KIR3DL1: variants seen among roughly 807,000 people sequenced by gnomAD.
KIR3DL1 encodes killer cell immunoglobulin like receptor, three Ig domains and long cytoplasmic tail 1, also known as killer cell immunoglobulin-like receptor 3DL1.
KIR3DL1 carries 50 observed loss-of-function variants against 40.3 expected under a neutral mutation model. That is an observed-to-expected ratio of 1.24 (90% confidence interval 0.99 to 1.57). The LOEUF (loss-of-function observed/expected upper bound fraction) is 1.57, where lower values mean the gene tolerates loss of function less well. KIR3DL1 is among the 40% of genes most tolerant of loss of function. KIR3DL1 has a pLI of 0.00. For missense variants in KIR3DL1, 661 were observed against 559.9 expected (o/e 1.18, Z -1.82); for synonymous variants, 257 against 207.2 (o/e 1.24, Z -2.07).
chr19:54,816,603 G>C, intron 1 of KIR3DL1, 69 bp downstream of exon 1: 2 of 1,547,320 alleles, frequency 1.3e-6, no homozygotes, highest in South Asian at 2.3e-5. Context: ...GTAAAGATAT[G>C]GGCCTAGAGG....
rs1173963253 is a variant in KIR3DL1, at chr19:54,824,990, C to A, written c.950-38C>A. 89 of 1,409,048 alleles carry A rather than the reference C, an allele frequency of 6.3e-5. 5 individuals are homozygous for A. The highest frequency in any genetic ancestry group is 8.6e-5 in the Non-Finnish European group (86 of 999,220). 87.3% of individuals were successfully genotyped at this position (1,409,048 alleles called of 1,614,324 possible). A position where few individuals can be genotyped will look rare whatever the true frequency, so the allele number is the denominator to read the frequency against. ...ATTTCCATTGAGTAGAGGACAAGCACCCTCATTTCCTCACATCTCTCCTGT... is the reference window on the plus strand; with the variant it reads ...ATTTCCATTGAGTAGAGGACAAGCAACCTCATTTCCTCACATCTCTCCTGT... On this transcript the variant is annotated intron_variant, in intron 5 of 8. Coordinates refer to ENST00000391728, the Ensembl canonical transcript of KIR3DL1.
chr19:54,829,778 G>T, intron 7 of KIR3DL1, 150 bp from the exon 8 acceptor site: 1 of 747,654 alleles, frequency 1.3e-6, no homozygotes, highest in South Asian at 2.0e-5. Context: ...ATGGGTCCTT[G>T]AGCTCAGAGA....
intron 5 of KIR3DL1, among the ~76,000 whole-genome samples, chr19:54,823,226 G>A (rs1046031237): frequency 1.1e-4 from 17 of 150,658 alleles, no homozygotes; most frequent in African/African-American, 2.0e-4. Context: ...TAGCACAGAC[G>A]GGATATCCCA....
exon 6 of KIR3DL1, chr19:54,825,044 T>C (rs2061812038): frequency 6.6e-7 from 1 of 1,518,582 alleles, no homozygotes; most frequent in Non-Finnish European, 9.1e-7. Flanking sequence ...CTTCAAGTAG[T>C]TGGCCTTCAC....
intron 5 of KIR3DL1, among the ~76,000 whole-genome samples, chr19:54,822,336 C>T (rs1227746093): frequency 2.6e-5 from 4 of 151,126 alleles, no homozygotes; most frequent in Non-Finnish European, 4.4e-5. Flanking sequence ...TCATAAATAC[C>T]TTTATATGCT....
At chr19:54,825,921 A>T (rs1227088355) in intron 6 of KIR3DL1, among the ~76,000 whole-genome samples, 2 of 151,158 alleles carry the variant, frequency 1.3e-5, no homozygotes, top group East Asian at 3.9e-4. Flanking sequence ...TCTTTCTCTG[A>T]ATGCTGCTCT....
At chr19:54,819,129 C>G (rs1370887576) in intron 3 of KIR3DL1, among the ~76,000 whole-genome samples, 1 of 151,190 alleles carries the variant, frequency 6.6e-6, no homozygotes, top group Non-Finnish European at 1.5e-5. Flanking sequence ...GATTTCAGCA[C>G]AGGGAGAACT....
In KIR3DL1 at chr19:54,830,334, C is replaced by T. The variant is rs613815; in HGVS notation, c.*59C>T. ...GGAGACAACAGCCCTGTCTCAAAAC[C>T]GAGTTGCCAGCTCCCATGTACCAGC... On this transcript the variant is annotated 3_prime_UTR_variant, in exon 9 of 9. Coordinates refer to ENST00000391728, the Ensembl canonical transcript of KIR3DL1. The T allele has an allele frequency of 1.8e-5, 27 of 1,476,816 alleles. 6 individuals carry two copies. Among genetic ancestry groups the T allele is most frequent in the Admixed American group, 5.5e-5 (3 of 54,874 alleles). The allele number at this position is 1,476,816 out of a possible 1,614,324, so 91.5% of individuals were successfully genotyped here. A position where few individuals can be genotyped will look rare whatever the true frequency, so the allele number is the denominator to read the frequency against.
Position 54,821,722 on chromosome 19 carries a change from G to A in KIR3DL1, c.813G>A (p.Lys271=), listed in dbSNP as rs202133056. Residue 271 remains lysine (K), a synonymous_variant, in exon 5 of 9, where the codon AAG becomes AAA. Transcript: ENST00000391728. ...AACGTAGGCTCCCTGCAGTGCGCAA[G>A]GTCAACAGAACATTCCAGGCAGATT... 8.1e-6 allele frequency: 13 copies of A among 1,608,618 alleles called. 1 individual carries two copies. The highest frequency in any genetic ancestry group is 1.1e-5 in the Non-Finnish European group (13 of 1,177,364).
intron 6 of KIR3DL1, among the ~76,000 whole-genome samples, chr19:54,828,803 G>A (rs4806577): frequency 0.69 from 93,671 of 135,094 alleles, 33,483 homozygotes; most frequent in African/African-American, 0.84. Context: ...TTGCCTCACC[G>A]TTCTGCAGGC....
chr19:54,818,708 G>C lies in KIR3DL1; in HGVS notation c.355+109G>C, dbSNP rs1255632081. 13 of 1,423,600 alleles carry C rather than the reference G, an allele frequency of 9.1e-6. 1 individual carries two copies. Among genetic ancestry groups the C allele is most frequent in the Admixed American group, 6.7e-5 (3 of 44,508 alleles). The allele number at this position is 1,423,600 out of a possible 1,614,324, so 88.2% of individuals were successfully genotyped here. A position where few individuals can be genotyped will look rare whatever the true frequency, so the allele number is the denominator to read the frequency against. The stretch of plus-strand genomic sequence containing the variant: ...TCACCCAGGCCCTGACTGTATTTGG[G>C]GTCAAGGGAGATTGAATACAGGGGA... On this transcript the variant is annotated intron_variant, in intron 3 of 8. Coordinates refer to ENST00000391728, the Ensembl canonical transcript of KIR3DL1.
At chr19:54,822,543 A>T (rs2061692004) in intron 5 of KIR3DL1, among the ~76,000 whole-genome samples, 2 of 149,918 alleles carry the variant, frequency 1.3e-5, no homozygotes, top group South Asian at 4.3e-4. Context: ...CAGGAGAAGC[A>T]CTTAAACCCA....
At chr19:54,827,874 C>T (rs1335283037) in intron 6 of KIR3DL1, among the ~76,000 whole-genome samples, 2 of 150,200 alleles carry the variant, frequency 1.3e-5, no homozygotes, top group Non-Finnish European at 2.9e-5. Context: ...ACAAAAAAAA[C>T]TTGCCCCCTC....
At chr19:54,821,223 T>C (rs1402915998) in intron 4 of KIR3DL1, among the ~76,000 whole-genome samples, 2 of 114,734 alleles carry the variant, frequency 1.7e-5, no homozygotes, top group Non-Finnish European at 4.1e-5. Context: ...ACAAAATAGA[T>C]AAATAGATAG....
Position 54,819,822 on chromosome 19 carries a change from G to T in KIR3DL1, c.465G>T (p.Leu155=), listed in dbSNP as rs773612298. ...ATATCATGTTTGAGCACTTCTTTCT[G>T]CACAAAGAGGGGATCTCTAAGGACC... The change falls in exon 4 of 9, where the codon CTG becomes CTT. Residue 155 remains leucine, a synonymous_variant. Coordinates refer to ENST00000391728, the Ensembl canonical transcript of KIR3DL1. 2.5e-6 allele frequency: 4 copies of T among 1,612,010 alleles called. No individual in the cohort carries two copies. In the East Asian group the frequency reaches 8.9e-5, roughly 36 times the overall value.
chr19:54,823,906 G>A (rs576203179), intron 5 of KIR3DL1, among the ~76,000 whole-genome samples: 1 of 150,874 alleles, frequency 6.6e-6, no homozygotes, highest in Non-Finnish European at 1.5e-5. Flanking sequence ...TGTTTTGTTT[G>A]TGGAGAAATG....
intron 5 of KIR3DL1, among the ~76,000 whole-genome samples, chr19:54,824,006 G>A (rs1462623417): frequency 1.3e-5 from 2 of 151,216 alleles, no homozygotes; most frequent in Non-Finnish European, 2.9e-5. Flanking sequence ...TCCCGTCTCA[G>A]ATGAATAGTT....
At position 54,826,937 on chromosome 19, in the gene KIR3DL1, C is replaced by T. The variant is rs377255076; in HGVS notation, c.1000+1859C>T. On this transcript the variant is annotated intron_variant, in intron 6 of 8. Coordinates refer to ENST00000391728, the Ensembl canonical transcript of KIR3DL1. ...AGGAGTGTGTGTTTGACACTCACAG[C>T]CATTGGATTCACCTCGGGGTAGCCA... Among the ~76,000 whole-genome samples the T allele has an allele frequency of 7.9e-5, 12 of 151,630 alleles. No individual in the cohort carries two copies. In the East Asian group the frequency reaches 2.0e-3, roughly 25 times the overall value.
chr19:54,824,386 C>T (rs1209118571), intron 5 of KIR3DL1, among the ~76,000 whole-genome samples: 1 of 151,500 alleles, frequency 6.6e-6, no homozygotes, highest in Non-Finnish European at 1.5e-5. Context: ...TGTCAAAGTC[C>T]ATTAAATGGG....
Sources: allele counts gnomAD v4.1 joint callset (sites outside exome capture counted in the v4.1 genomes callset), GRCh38; gene constraint gnomAD v4.1.1; transcripts MANE v1.5; gene names NCBI Gene and HGNC (gene_info 2026-07-23, HGNC 2026-07-21).